WNT7B: variants seen among roughly 807,000 people sequenced by gnomAD.
WNT7B encodes Wnt family member 7B.
In WNT7B, 19 loss-of-function variants were observed where a neutral mutation model predicts 38.2. The ratio of observed to expected loss-of-function variants is 0.50; its 90% CI spans 0.35 to 0.73. The LOEUF (loss-of-function observed/expected upper bound fraction) is 0.73. WNT7B is among the 30% of genes least tolerant of loss of function. WNT7B has a pLI of 0.01. For synonymous variants in WNT7B, 243 were observed against 209.3 expected, an observed-to-expected ratio of 1.16 and a Z score of -1.39; for missense variants, 423 against 507.9, an observed-to-expected ratio of 0.83 and a Z score of 1.61.
At chr22:45,945,108 A>T (rs1214658654) in intron 2 of WNT7B, among the ~76,000 whole-genome samples, 1 of 151,736 alleles carries the variant, frequency 6.6e-6, no homozygotes, top group Admixed American at 6.6e-5. Flanking sequence ...TTTGAGACGG[A>T]GATTCACTCT....
chr22:45,956,941 A>G (rs1932077944), intron 1 of WNT7B, among the ~76,000 whole-genome samples: 1 of 152,080 alleles, frequency 6.6e-6, no homozygotes, highest in African/African-American at 2.4e-5. Flanking sequence ...CCCCATCTCT[A>G]CTAAAAATAC....
At chr22:45,971,521 G>C (rs1253115643) in intron 1 of WNT7B, among the ~76,000 whole-genome samples, 2 of 152,164 alleles carry the variant, frequency 1.3e-5, no homozygotes, top group African/African-American at 4.8e-5. Flanking sequence ...GCTCTCCCTT[G>C]GCCGAGACAA....
intron 3 of WNT7B, among the ~76,000 whole-genome samples, chr22:45,928,934 C>A (rs972449531): frequency 6.6e-6 from 1 of 152,180 alleles, no homozygotes; most frequent in Admixed American, 6.5e-5. Context: ...GTGCTCTTGC[C>A]CGCATCTCTG....
intron 3 of WNT7B, among the ~76,000 whole-genome samples, chr22:45,930,729 A>C (rs1931318818): frequency 6.6e-6 from 1 of 152,130 alleles, no homozygotes. Context: ...TGGTGTGCCG[A>C]GGTGACCTCC....
At chr22:45,929,666 G>A (rs1407754315) in intron 3 of WNT7B, among the ~76,000 whole-genome samples, 14 of 56,982 alleles carry the variant, frequency 2.5e-4, no homozygotes, top group African/African-American at 9.1e-4. Flanking sequence ...CCACCCACCC[G>A]CCCATCCTTC....
chr22:45,927,821 G>A (rs770094557), intron 3 of WNT7B, among the ~76,000 whole-genome samples: 37 of 152,188 alleles, frequency 2.4e-4, no homozygotes, highest in African/African-American at 8.0e-4. Context: ...GCTTGAACCC[G>A]GAAGGCAGAG....
At chr22:45,940,775 G>A (rs1247499891) in intron 2 of WNT7B, among the ~76,000 whole-genome samples, 1 of 152,216 alleles carries the variant, frequency 6.6e-6, no homozygotes, top group Non-Finnish European at 1.5e-5. Context: ...GCCAATGAGT[G>A]CTCCTCTCAG....
At chr22:45,974,089 T>A (rs1305789568) in intron 1 of WNT7B, among the ~76,000 whole-genome samples, 2 of 152,104 alleles carry the variant, frequency 1.3e-5, no homozygotes, top group African/African-American at 4.8e-5. Context: ...TCATTAACAA[T>A]AAGAAAGATT....
intron 3 of WNT7B, chr22:45,927,528 C>T (rs1381878193): frequency 6.6e-7 from 1 of 1,522,784 alleles, no homozygotes; most frequent in Non-Finnish European, 8.9e-7. Flanking sequence ...CAGATGTGGT[C>T]AAGGAAACAA....
At chr22:45,963,280 C>T (rs1932236898) in intron 1 of WNT7B, among the ~76,000 whole-genome samples, 1 of 152,158 alleles carries the variant, frequency 6.6e-6, no homozygotes, top group Non-Finnish European at 1.5e-5. Flanking sequence ...TTTCAAGCAG[C>T]CCACTTTTCT....
At chr22:45,940,872 A>C (rs555841128) in intron 2 of WNT7B, among the ~76,000 whole-genome samples, 305 of 152,336 alleles carry the variant, frequency 2.0e-3, no homozygotes, top group Middle Eastern at 6.8e-3. Flanking sequence ...AGGGAACAGC[A>C]ATGCAAAGAC....
intron 3 of WNT7B, chr22:45,927,476 C>T (rs994010566): frequency 1.3e-6 from 2 of 1,550,142 alleles, no homozygotes; most frequent in Middle Eastern, 1.7e-4. Flanking sequence ...CATGTCTGCT[C>T]AGAGCCTCGG....
At chr22:45,923,989 A>G (rs1475825310) in intron 3 of WNT7B, among the ~76,000 whole-genome samples, 2 of 152,096 alleles carry the variant, frequency 1.3e-5, no homozygotes, top group African/African-American at 4.8e-5. Flanking sequence ...AGGGCCCTCC[A>G]CGGGTGCAGC....
At chr22:45,945,335 T>C (rs1931769060) in intron 2 of WNT7B, among the ~76,000 whole-genome samples, 2 of 152,172 alleles carry the variant, frequency 1.3e-5, no homozygotes, top group African/African-American at 4.8e-5. Context: ...CGCCTCAGCT[T>C]CCCAAAGTGC....
At chr22:45,937,294 T>C (rs1931536790) in intron 2 of WNT7B, among the ~76,000 whole-genome samples, 1 of 152,228 alleles carries the variant, frequency 6.6e-6, no homozygotes, top group African/African-American at 2.4e-5. Context: ...TGGAGCCTTC[T>C]GGAAGCAAGG....
intron 1 of WNT7B, chr22:45,972,794 T>G (rs150707524): frequency 3.1e-3 from 474 of 152,472 alleles, no homozygotes; most frequent in Non-Finnish European, 4.5e-3. Flanking sequence ...CCGGGGGAAC[T>G]GCGCGGAGGC....
At chr22:45,972,116 G>GGGGGGGGGGGGCCCCCCCCC in intron 1 of WNT7B, 1 of 530,742 alleles carries the variant, frequency 1.9e-6, no homozygotes, top group Non-Finnish European at 3.3e-6. Flanking sequence ...CCCGGGGGGA[G>GGGGGGGGGGGGCCCCCCCCC]CCCACCCGCC....
chr22:45,943,087 G>A (rs904120210), intron 2 of WNT7B, among the ~76,000 whole-genome samples: 10 of 151,930 alleles, frequency 6.6e-5, no homozygotes, highest in African/African-American at 2.4e-4. Context: ...GCACGTGTGT[G>A]CGTGTGTTTG....
In WNT7B at chr22:45,953,135, C is replaced by T. The variant is rs28460001; in HGVS notation, c.72-2989G>A. On this transcript the variant is annotated intron_variant, in intron 1 of 3. Transcript: ENST00000339464. ...GTCTCACAGTCACCGTGTCCGTGCC[C>T]GGCTTCCCCTCACAGCCACCGTGTC... Among the ~76,000 whole-genome samples the T allele has an allele frequency of 8.9e-3, 956 of 107,890 alleles. 4 individuals are homozygous for T. Among genetic ancestry groups the T allele is most frequent in the Middle Eastern group, 0.022 (4 of 178 alleles). 70.8% of individuals were successfully genotyped at this position (107,890 alleles called of 152,430 possible). A position where few individuals can be genotyped will look rare whatever the true frequency, so the allele number is the denominator to read the frequency against.
Sources: gnomAD v4.1 joint callset for allele counts (sites outside exome capture counted in the v4.1 genomes callset) on GRCh38, gnomAD v4.1.1 for gene constraint, MANE v1.5 for transcripts, NCBI Gene and HGNC (gene_info 2026-07-23, HGNC 2026-07-21) for gene names.